Variants in MBNL1 observed in about 807,000 individuals in gnomAD.
MBNL1 encodes muscleblind-like protein 1.
A neutral mutation model predicts 42.2 loss-of-function variants in MBNL1; 8 were observed. That is an observed-to-expected ratio of 0.19 (90% CI 0.11 to 0.34). The LOEUF (loss-of-function observed/expected upper bound fraction) is 0.34, where lower values mean the gene tolerates loss of function less well. Among genes scored for constraint, MBNL1 ranks in the 10% least tolerant of loss-of-function variants. The probability of loss-of-function intolerance (pLI) is 1.00; values close to 1 mark genes in which losing one functional copy is unlikely to be tolerated. For missense variants in MBNL1, 309 were observed against 495.3 expected, an observed-to-expected ratio of 0.62 and a Z score of 3.57; for synonymous variants, 169 against 173.9, an observed-to-expected ratio of 0.97 and a Z score of 0.22.
intron 6 of MBNL1, among the ~76,000 whole-genome samples, chr3:152,450,147 A>G (rs920857356): frequency 3.3e-5 from 5 of 151,362 alleles, no homozygotes; most frequent in African/African-American, 7.3e-5. Context: ...ACAAATATAT[A>G]TACACACACA....
chr3:152,334,450 G>T (rs183073985), intron 2 of MBNL1, among the ~76,000 whole-genome samples: 1 of 152,094 alleles, frequency 6.6e-6, no homozygotes, highest in Non-Finnish European at 1.5e-5. Flanking sequence ...TGGTTAAGTC[G>T]AACGCCACTA....
At chr3:152,301,632 G>T (rs1211344195) in intron 2 of MBNL1, among the ~76,000 whole-genome samples, 1 of 152,102 alleles carries the variant, frequency 6.6e-6, no homozygotes, top group Non-Finnish European at 1.5e-5. Context: ...TAAAATGTTA[G>T]ATTCTTCTTA....
chr3:152,421,830 C>T (rs1474264575), intron 3 of MBNL1, among the ~76,000 whole-genome samples: 1 of 152,088 alleles, frequency 6.6e-6, no homozygotes, highest in African/African-American at 2.4e-5. Context: ...AGACAAACTA[C>T]GTTTCATAAG....
At chr3:152,420,254 G>A (rs975813524) in intron 3 of MBNL1, among the ~76,000 whole-genome samples, 7 of 152,156 alleles carry the variant, frequency 4.6e-5, no homozygotes, top group African/African-American at 9.6e-5. Context: ...CTAGCACAGC[G>A]CTTGAACTCT....
intron 2 of MBNL1, among the ~76,000 whole-genome samples, chr3:152,328,854 A>G (rs2082180323): frequency 6.6e-6 from 1 of 152,156 alleles, no homozygotes; most frequent in South Asian, 2.1e-4. Flanking sequence ...TTTTGACTTG[A>G]GGAAATAGCT....
intron 6 of MBNL1, 67 bp from the exon 7 acceptor site, chr3:152,455,475 G>T: frequency 8.0e-7 from 1 of 1,251,534 alleles, no homozygotes. Flanking sequence ...AATTACACGT[G>T]TGATGGGATG....
chr3:152,443,485 T>TAC (rs150370083), intron 4 of MBNL1, among the ~76,000 whole-genome samples: 133 of 144,970 alleles, frequency 9.2e-4, no homozygotes, highest in East Asian at 3.3e-3. Flanking sequence ...ATATTTAGCA[T>TAC]ACACACACAC....
chr3:152,247,834 A>G (rs1169992697), intron 2 of MBNL1, among the ~76,000 whole-genome samples: 1 of 152,016 alleles, frequency 6.6e-6, no homozygotes, highest in East Asian at 1.9e-4. Flanking sequence ...GCATATTTAA[A>G]TCCAAATTTA....
chr3:152,300,437 C>T, intron 2 of MBNL1, 70 bp downstream of exon 2: 1 of 1,260,154 alleles, frequency 7.9e-7, no homozygotes, highest in Admixed American at 1.8e-5. Context: ...ATACAGTTCT[C>T]TGCATATGGG....
In MBNL1 at chr3:152,331,105, T is replaced by TA. The variant is rs879310194; in HGVS notation, c.174+30738_174+30739insA. Reference sequence around the variant, plus strand: ...TCCTTTTCCCTCTCTTTCTCTCCCTTCTCCCTCTCTCCTTCCCTGTCTTAC... The same window carrying TA: ...TCCTTTTCCCTCTCTTTCTCTCCCTTACTCCCTCTCTCCTTCCCTGTCTTAC... On this transcript the variant is annotated intron_variant, in intron 2 of 9. Coordinates refer to ENST00000324210, the MANE Select transcript of MBNL1 (RefSeq NM_021038.5). Among the ~76,000 whole-genome samples, 392 of 151,902 alleles carry TA rather than the reference T, an allele frequency of 2.6e-3. 1 individual carries two copies. The highest frequency in any genetic ancestry group is 0.014 in the Middle Eastern group (4 of 294).
At chr3:152,296,241 G>A (rs1047004624) in intron 1 of MBNL1, among the ~76,000 whole-genome samples, 10 of 152,190 alleles carry the variant, frequency 6.6e-5, no homozygotes, top group Non-Finnish European at 1.0e-4. Flanking sequence ...GCATGTTGGA[G>A]TTTCTTCAGC....
Position 152,447,688 on chromosome 3 carries a change from C to A in MBNL1, c.876C>A (p.Thr292=), listed in dbSNP as rs34089501. Residue 292 remains threonine, a synonymous_variant, in exon 6 of 10, where the codon ACC becomes ACA. Transcript: ENST00000324210. ...RPALEKTNGA[T]AVFNTGIFQY... ...CTCTTGAAAAAACCAACGGTGCCAC[C>A]GCAGTCTTTAACACTGGTATTTTCC... 6.2e-7 allele frequency: 1 copy of A among 1,613,500 alleles called. No homozygotes were observed. The highest frequency in any genetic ancestry group is 1.3e-5 in the African/African-American group (1 of 74,878).
intron 2 of MBNL1, 120 bp downstream of exon 2, chr3:152,300,487 G>A: frequency 2.6e-6 from 2 of 775,204 alleles, no homozygotes; most frequent in Admixed American, 3.1e-5. Flanking sequence ...TATACAGTGT[G>A]TTGATGATGT....
At chr3:152,294,189 A>G (rs2057465610) in intron 1 of MBNL1, among the ~76,000 whole-genome samples, 1 of 151,986 alleles carries the variant, frequency 6.6e-6, no homozygotes, top group African/African-American at 2.4e-5. Flanking sequence ...ATGATGTCAG[A>G]TAAAGCAAGA....
intron 2 of MBNL1, among the ~76,000 whole-genome samples, chr3:152,327,075 C>G (rs1036474465): frequency 2.0e-5 from 3 of 152,014 alleles, no homozygotes; most frequent in African/African-American, 7.2e-5. Flanking sequence ...TCCCGAAGTG[C>G]TGGGATTACA....
In MBNL1 at chr3:152,456,402, A is replaced by G. The variant is rs768423437; in HGVS notation, c.1092+41A>G. ...GCTTTGTTTCTTAAAAAACAACTCT[A>G]ATAGGGCTCAATCCAACAGCCCTTA... On this transcript the variant is annotated intron_variant, in intron 8 of 9. Coordinates refer to ENST00000324210, the MANE Select transcript of MBNL1 (RefSeq NM_021038.5). 21 of 1,508,180 alleles carry G rather than the reference A, an allele frequency of 1.4e-5. No homozygotes were observed. In the Admixed American group the frequency reaches 3.3e-4, roughly 24 times the overall value. The allele number at this position is 1,508,180 out of a possible 1,614,324, so 93.4% of individuals were successfully genotyped here. A position where few individuals can be genotyped will look rare whatever the true frequency, so the allele number is the denominator to read the frequency against.
intron 4 of MBNL1, among the ~76,000 whole-genome samples, chr3:152,438,283 T>C (rs757879813): frequency 1.1e-4 from 17 of 152,176 alleles, no homozygotes; most frequent in Non-Finnish European, 2.4e-4. Flanking sequence ...GTCTTATCAA[T>C]GACAATAAAA....
chr3:152,355,994 A>G (rs2095488179), intron 2 of MBNL1, among the ~76,000 whole-genome samples: 1 of 152,198 alleles, frequency 6.6e-6, no homozygotes, highest in Non-Finnish European at 1.5e-5. Context: ...CAGAGAAAAA[A>G]GAGCCTGCTT....
At chr3:152,352,590 T>C (rs1332894347) in intron 2 of MBNL1, among the ~76,000 whole-genome samples, 3 of 152,094 alleles carry the variant, frequency 2.0e-5, no homozygotes, top group South Asian at 2.1e-4. Context: ...TTTGCTGTTG[T>C]TGTTTTTTTT....
Sources: gnomAD v4.1 joint callset for allele counts (sites outside exome capture counted in the v4.1 genomes callset) on GRCh38, gnomAD v4.1.1 for gene constraint, MANE v1.5 for transcripts, NCBI Gene and HGNC (gene_info 2026-07-23, HGNC 2026-07-21) for gene names.